MGRN1: variants seen among roughly 807,000 people sequenced by gnomAD.
MGRN1 encodes E3 ubiquitin-protein ligase MGRN1.
In MGRN1, 29 loss-of-function variants were observed where a neutral mutation model predicts 69.2. The observed-to-expected ratio is 0.42, with a 90% CI of 0.31 to 0.57. MGRN1 has a LOEUF of 0.57. MGRN1 is among the 20% of genes least tolerant of loss of function. The pLI, the probability that MGRN1 is intolerant of heterozygous loss-of-function variation, is 0.15. For synonymous variants in MGRN1, 470 were observed against 344.2 expected (o/e 1.37, Z -4.04); for missense variants, 998 against 796.2 (o/e 1.25, Z -3.05).
chr16:4,675,526 C>T (rs929552399), intron 10 of MGRN1, among the ~76,000 whole-genome samples: 2 of 152,032 alleles, frequency 1.3e-5, no homozygotes, highest in African/African-American at 2.4e-5. Context: ...ATCGCTTGAG[C>T]CCAAGAGTTC....
chr16:4,639,689 T>A (rs2078115345), intron 1 of MGRN1: 1 of 152,242 alleles, frequency 6.6e-6, no homozygotes, highest in Admixed American at 6.5e-5. Flanking sequence ...GAAAGGCCTT[T>A]CTGACATGAT....
Position 4,624,864 on chromosome 16 carries a change from C to A in MGRN1, c.-97C>A. The stretch of plus-strand genomic sequence containing the variant: ...GCCTCCGCGGCCGTGGACGAGCGTC[C>A]GTGCGGCCTGGTCCGGGCCATGTCC... On this transcript the variant is annotated 5_prime_UTR_variant, in exon 1 of 17. Transcript: ENST00000262370. 2.9e-6 allele frequency: 3 copies of A among 1,026,754 alleles called. No individual in the cohort carries two copies. The highest frequency in any genetic ancestry group is 4.7e-5 in the South Asian group (2 of 42,116). The allele number at this position is 1,026,754 out of a possible 1,614,324, so 63.6% of individuals were successfully genotyped here.
rs1397171853 is a variant in MGRN1 at position 4,650,354 on chromosome 16, T to G, written c.89-11T>G. The G allele has an allele frequency of 6.3e-7, 1 of 1,586,580 alleles. No individual in the cohort carries two copies. The highest frequency in any genetic ancestry group is 1.2e-5 in the South Asian group (1 of 86,800). ...AAAAAAATCTATAATCGTGTTTCCT[T>G]TTTTAAACAGGAAACTACTTTGCTT... is the stretch of plus-strand genomic sequence containing the variant. On this transcript the variant is annotated splice_polypyrimidine_tract_variant and intron_variant, in intron 1 of 16. Coordinates refer to ENST00000262370, the MANE Select transcript of MGRN1 (RefSeq NM_015246.4).
intron 5 of MGRN1, among the ~76,000 whole-genome samples, chr16:4,663,396 C>G (rs1270690811): frequency 3.5e-5 from 3 of 86,748 alleles, no homozygotes; most frequent in African/African-American, 1.1e-4. Context: ...TTTTTTACAC[C>G]TTTATTGTGT....
intron 1 of MGRN1, chr16:4,633,460 G>A (rs1898109902): frequency 6.6e-6 from 1 of 151,976 alleles, no homozygotes; most frequent in African/African-American, 2.4e-5. Context: ...GGGAGGCCAA[G>A]GCGGGTGGAT....
intron 7 of MGRN1, 106 bp downstream of exon 7, chr16:4,665,257 T>G (rs1028789663): frequency 1.1e-5 from 14 of 1,273,108 alleles, no homozygotes; most frequent in Non-Finnish European, 1.3e-5. Context: ...GTGGGGTGGC[T>G]GAGTGTCAAG....
intron 1 of MGRN1, among the ~76,000 whole-genome samples, chr16:4,631,701 G>C (rs1484362669): frequency 6.6e-6 from 1 of 152,074 alleles, no homozygotes; most frequent in Non-Finnish European, 1.5e-5. Flanking sequence ...AAATTGTTTT[G>C]GTTATGCTAA....
At chr16:4,641,249 A>G (rs1025906974) in intron 1 of MGRN1, among the ~76,000 whole-genome samples, 1 of 152,206 alleles carries the variant, frequency 6.6e-6, no homozygotes, top group Admixed American at 6.5e-5. Flanking sequence ...ACACTTCCCC[A>G]GGCCTGGTCC....
chr16:4,688,604 C>T lies in MGRN1; in HGVS notation c.1619-192C>T, dbSNP rs544320112. The T allele has an allele frequency of 2.0e-4, 277 of 1,356,702 alleles. 2 individuals carry two copies. The highest frequency in any genetic ancestry group is 1.8e-3 in the African/African-American group (125 of 68,152). The allele number at this position is 1,356,702 out of a possible 1,614,324, so 84.0% of individuals were successfully genotyped here. A position where few individuals can be genotyped will look rare whatever the true frequency, so the allele number is the denominator to read the frequency against. On this transcript the variant is annotated intron_variant, in intron 16 of 16. Transcript: ENST00000262370. ...ATCGTCTGTCCCAAGAGGGACACAG[C>T]GTATTTGGCACAGTTAGGGAGTCCC...
chr16:4,653,817 A>T lies in MGRN1; in HGVS notation c.443+993A>T, dbSNP rs1254726388. Among the ~76,000 whole-genome samples, 4 of 151,050 alleles carry T rather than the reference A, an allele frequency of 2.6e-5. No individual in the cohort carries two copies. The East Asian group carries it at 7.7e-4, about 29-fold the overall frequency. On this transcript the variant is annotated intron_variant, in intron 4 of 16. Coordinates refer to ENST00000262370, the MANE Select transcript of MGRN1 (RefSeq NM_015246.4). ...GCCCAGGCTGGAGTGCAATGGTGTG[A>T]TCTTGGCTCACTGCAACCTCCGCCT...
intron 8 of MGRN1, among the ~76,000 whole-genome samples, chr16:4,670,377 G>T (rs1157110898): frequency 6.6e-6 from 1 of 152,194 alleles, no homozygotes; most frequent in Non-Finnish European, 1.5e-5. Flanking sequence ...CGAGTAGCTG[G>T]GACTACAGGC....
At position 4,657,318 on chromosome 16, in the gene MGRN1, C is replaced by T; in HGVS notation, c.516C>T (p.Ser172=). Residue 172 remains serine, a synonymous_variant, in exon 5 of 17, where the codon TCC becomes TCT. Coordinates refer to ENST00000262370, the MANE Select transcript of MGRN1 (RefSeq NM_015246.4). ...AGAGAGGGGTGAGCCAGCAGTTCTCCCTGCCCTCCTTCAAGATTGACTTCT... is the reference window on the plus strand; with the variant it reads ...AGAGAGGGGTGAGCCAGCAGTTCTCTCTGCCCTCCTTCAAGATTGACTTCT... ...HYKRGVSQQF[S]LPSFKIDFSE... 6.2e-7 allele frequency: 1 copy of T among 1,614,156 alleles called. No homozygotes were observed. Among genetic ancestry groups the T allele is most frequent in the Non-Finnish European group, 8.5e-7 (1 of 1,179,974 alleles).
At chr16:4,685,715 G>A (rs1291332728) in intron 16 of MGRN1, among the ~76,000 whole-genome samples, 1 of 152,222 alleles carries the variant, frequency 6.6e-6, no homozygotes, top group Non-Finnish European at 1.5e-5. Flanking sequence ...CTGTTCCACT[G>A]ACTTTTTCAC....
At chr16:4,681,904 C>T in intron 13 of MGRN1, 128 bp downstream of exon 13, 1 of 959,152 alleles carries the variant, frequency 1.0e-6, no homozygotes, top group Non-Finnish European at 1.5e-6. Flanking sequence ...GACTCGGAGA[C>T]CCCGTATCAG....
At chr16:4,685,389 G>A (rs1351888102) in intron 16 of MGRN1, among the ~76,000 whole-genome samples, 5 of 152,226 alleles carry the variant, frequency 3.3e-5, no homozygotes, top group Non-Finnish European at 7.3e-5. Context: ...CCAGGACTCC[G>A]AGTCTCATGC....
At chr16:4,686,133 G>A (rs2079311006) in intron 16 of MGRN1, 2 of 1,117,914 alleles carry the variant, frequency 1.8e-6, no homozygotes, top group Non-Finnish European at 2.5e-6. Context: ...CTCTGTGGTT[G>A]CAGCAGAGTG....
chr16:4,636,192 G>A lies in MGRN1; in HGVS notation c.88+11144G>A, dbSNP rs146012589. Among the ~76,000 whole-genome samples the A allele has an allele frequency of 2.9e-3, 436 of 152,244 alleles. 6 individuals carry two copies. The highest frequency in any genetic ancestry group is 9.9e-3 in the African/African-American group (410 of 41,554). ...TGAACATGTTGAGAAAAATAGAGCA[G>A]TACCGGCCCCCAGAGGCCCCCTATT... On this transcript the variant is annotated intron_variant, in intron 1 of 16. Transcript: ENST00000262370.
At chr16:4,683,324 C>T in intron 15 of MGRN1, 55 bp downstream of exon 15, 1 of 1,597,238 alleles carries the variant, frequency 6.3e-7, no homozygotes, top group Non-Finnish European at 8.6e-7. Flanking sequence ...GCAGCCCTGG[C>T]TTACTGGGGC....
At chr16:4,626,724 C>T (rs1233860054) in intron 1 of MGRN1, among the ~76,000 whole-genome samples, 1 of 152,230 alleles carries the variant, frequency 6.6e-6, no homozygotes, top group Non-Finnish European at 1.5e-5. Flanking sequence ...ATGTCATTTA[C>T]AGCCCGCTTC....
Sources: gnomAD v4.1 joint callset for allele counts (sites outside exome capture counted in the v4.1 genomes callset) on GRCh38, gnomAD v4.1.1 for gene constraint, MANE v1.5 for transcripts, NCBI Gene and HGNC (gene_info 2026-07-23, HGNC 2026-07-21) for gene names.